The following GAD1 variants were observed in gnomAD, a reference collection of about 807,000 sequenced individuals.
GAD1 encodes the protein 67 kDa glutamic acid decarboxylase.
Under a neutral mutation model 75.2 loss-of-function variants are expected in GAD1, and 35 were observed. That is an observed-to-expected ratio of 0.47 (90% CI 0.36 to 0.62). The LOEUF (loss-of-function observed/expected upper bound fraction) is 0.62, where lower values mean the gene tolerates loss of function less well. Among genes scored for constraint, GAD1 ranks in the 20% least tolerant of loss-of-function variants. GAD1 has a pLI of 0.00. For missense variants in GAD1, 490 were observed against 758.5 expected (o/e 0.65, Z 4.16); for synonymous variants, 257 against 271.9 (o/e 0.95, Z 0.54).
In GAD1 at chr2:170,860,696, C is replaced by T. The variant is rs1421612473; in HGVS notation, c.*814C>T. The T allele has an allele frequency of 6.6e-5, 10 of 152,500 alleles. No homozygotes were observed. The highest frequency in any genetic ancestry group is 1.9e-4 in the African/African-American group (8 of 41,392). 9.4% of individuals were successfully genotyped at this position (152,500 alleles called of 1,614,324 possible). A position where few individuals can be genotyped will look rare whatever the true frequency, so the allele number is the denominator to read the frequency against. On this transcript the variant is annotated 3_prime_UTR_variant, in exon 17 of 17. Transcript: ENST00000358196. ...TTCTGAAAACTGTTTATGGTATTTT[C>T]GTGCATTTGTGAGCCAAAGAGAAAA...
rs1702211500 is a variant in GAD1 at position 170,831,176 on chromosome 2, G to T, written c.531G>T (p.Lys177Asn). Residue 177 changes from lysine to asparagine, a missense_variant, in exon 5 of 17, where the codon AAG becomes AAT. Coordinates refer to ENST00000358196, the MANE Select transcript of GAD1 (RefSeq NM_000817.3). Reference protein sequence around the residue: ...QILVDCRDTLKYGVRTGHPRF... With the variant: ...QILVDCRDTLNYGVRTGHPRF... ...TGGTTGACTGCAGAGACACCTTGAA[G>T]TATGGGGTTCGCACAGGTAAGGAGG... is the stretch of plus-strand genomic sequence containing the variant. 1 of 1,614,104 alleles carries T rather than the reference G, an allele frequency of 6.2e-7. No homozygotes were observed. Among genetic ancestry groups the T allele is most frequent in the African/African-American group, 1.3e-5 (1 of 74,932 alleles).
rs1176484342 is a variant in GAD1 at position 170,818,768 on chromosome 2, G to A, written c.82+95G>A. ...TGAGCTGGCGGAAAGGGAAGGGGGA[G>A]CGCGGAGATAATGGAGGCTGGGAAA... is the stretch of plus-strand genomic sequence containing the variant. On this transcript the variant is annotated intron_variant, in intron 2 of 16. Transcript: ENST00000358196. The surrounding 1 kb of genome is among the most constrained non-coding windows in gnomAD (Gnocchi z 5.9). 1 of 1,200,738 alleles carries A rather than the reference G, an allele frequency of 8.3e-7. No individual in the cohort carries two copies. The highest frequency in any genetic ancestry group is 1.2e-6 in the Non-Finnish European group (1 of 805,006). 74.4% of individuals were successfully genotyped at this position (1,200,738 alleles called of 1,614,324 possible).
intron 11 of GAD1, 114 bp from the exon 12 acceptor site, chr2:170,849,172 A>T: frequency 1.1e-6 from 1 of 894,286 alleles, no homozygotes; most frequent in South Asian, 1.4e-5. Flanking sequence ...TGAGAAACTT[A>T]TGTTTTTCAC....
chr2:170,840,605 A>AAGGAAGGGAGGGAGGG (rs980028972), intron 6 of GAD1, among the ~76,000 whole-genome samples: 1 of 133,660 alleles, frequency 7.5e-6, no homozygotes, highest in Non-Finnish European at 1.6e-5. Context: ...AGAACTCAGA[A>AAGGAAGGGAGGGAGGG]AGGAAGGGAG....
At chr2:170,825,180 G>A (rs1701994661) in intron 3 of GAD1, among the ~76,000 whole-genome samples, 1 of 152,076 alleles carries the variant, frequency 6.6e-6, no homozygotes, top group African/African-American at 2.4e-5. Flanking sequence ...GAGGCCAGGA[G>A]TTTGAGACTA....
Position 170,859,925 on chromosome 2 carries a change from T to C in GAD1, c.*43T>C. ...TGAGTTTATGGGAATGCCTTTTCCCTCTGGCACTCCAGAACAAACCTCTAT... is the reference window on the plus strand; with the variant it reads ...TGAGTTTATGGGAATGCCTTTTCCCCCTGGCACTCCAGAACAAACCTCTAT... On this transcript the variant is annotated 3_prime_UTR_variant, in exon 17 of 17. Transcript: ENST00000358196. The C allele has an allele frequency of 6.3e-7, 1 of 1,579,674 alleles. No individual in the cohort carries two copies. Among genetic ancestry groups the C allele is most frequent in the Non-Finnish European group, 8.7e-7 (1 of 1,151,838 alleles).
rs1271070745 is a variant in GAD1 at position 170,860,397 on chromosome 2, C to G, written c.*515C>G. 6.2e-6 allele frequency: 1 copy of G among 161,976 alleles called. No individual in the cohort carries two copies. The highest frequency in any genetic ancestry group is 1.4e-5 in the Non-Finnish European group (1 of 73,230). 10.0% of individuals were successfully genotyped at this position (161,976 alleles called of 1,614,324 possible). A position where few individuals can be genotyped will look rare whatever the true frequency, so the allele number is the denominator to read the frequency against. ...CACCAAATGACAAGTCACACCCTCC[C>G]CATTAGTATCCTGTTAGGGGAAAAT... On this transcript the variant is annotated 3_prime_UTR_variant, in exon 17 of 17. Transcript: ENST00000358196.
Position 170,846,171 on chromosome 2 carries a change from T to C in GAD1, c.1002+108T>C, listed in dbSNP as rs1575442231. 4 of 959,688 alleles carry C rather than the reference T, an allele frequency of 4.2e-6. No individual in the cohort carries two copies. The East Asian group carries it at 7.4e-5, about 18-fold the overall frequency. The allele number at this position is 959,688 out of a possible 1,614,324, so 59.4% of individuals were successfully genotyped here. On this transcript the variant is annotated intron_variant, in intron 10 of 16. Coordinates refer to ENST00000358196, the MANE Select transcript of GAD1 (RefSeq NM_000817.3). ...AGACAATTTTCTTGTGCTTCTAAAA[T>C]TCTATTCTTCAAATTTGCTTATTTC...
At chr2:170,815,448 C>T (rs1701678472), upstream of GAD1, among the ~76,000 whole-genome samples, 1 of 152,110 alleles carries the variant, frequency 6.6e-6, no homozygotes, top group Non-Finnish European at 1.5e-5. Context: ...CCATGTCTGC[C>T]CAGGGCGGAC....
At chr2:170,823,490 A>G (rs1701945306) in intron 3 of GAD1, among the ~76,000 whole-genome samples, 1 of 152,032 alleles carries the variant, frequency 6.6e-6, no homozygotes, top group South Asian at 2.1e-4. Context: ...AGACCCAGCC[A>G]TTTTCCACCG....
chr2:170,815,567 C>G (rs1202649504), upstream of GAD1, among the ~76,000 whole-genome samples: 1 of 152,138 alleles, frequency 6.6e-6, no homozygotes, highest in Non-Finnish European at 1.5e-5. Context: ...GGACGGGCCT[C>G]CGCTGAACCA....
chr2:170,851,967 C>T (rs986727603), intron 12 of GAD1, among the ~76,000 whole-genome samples: 3 of 152,166 alleles, frequency 2.0e-5, no homozygotes, highest in African/African-American at 4.8e-5. Flanking sequence ...ACTCTTGATA[C>T]TGCCCCATAA....
At chr2:170,831,253 A>G in intron 5 of GAD1, 61 bp downstream of exon 5, 1 of 1,571,780 alleles carries the variant, frequency 6.4e-7, no homozygotes, top group East Asian at 2.2e-5. Context: ...CACCCTTGCC[A>G]GTTGTGAGGA....
In GAD1 at chr2:170,818,335, G is replaced by C. The variant is rs1281034422; in HGVS notation, c.-63-194G>C. 2 of 417,802 alleles carry C rather than the reference G, an allele frequency of 4.8e-6. No individual in the cohort carries two copies. Among genetic ancestry groups the C allele is most frequent in the Non-Finnish European group, 9.0e-6 (2 of 222,632 alleles). The allele number at this position is 417,802 out of a possible 1,614,324, so 25.9% of individuals were successfully genotyped here. A position where few individuals can be genotyped will look rare whatever the true frequency, so the allele number is the denominator to read the frequency against. On this transcript the variant is annotated intron_variant, in intron 1 of 16. Transcript: ENST00000358196. The surrounding 1 kb of genome is among the most constrained non-coding windows in gnomAD (Gnocchi z 5.9). ...GCTACGCTCCCTGCGCCCCAGTACC[G>C]GAGCTAGCGCGCACGTCTCCTCCGC...
chr2:170,842,907 T>C, intron 6 of GAD1: 1 of 556,660 alleles, frequency 1.8e-6, no homozygotes, highest in Non-Finnish European at 3.0e-6. Flanking sequence ...AGCTTTGCCT[T>C]ACATTAAGCA....
In GAD1 at chr2:170,859,755, T is replaced by C; in HGVS notation, c.1658T>C (p.Met553Thr). 2 of 1,614,232 alleles carry C rather than the reference T, an allele frequency of 1.2e-6. No homozygotes were observed. Among genetic ancestry groups the C allele is most frequent in the Non-Finnish European group, 1.7e-6 (2 of 1,180,044 alleles). The change falls in exon 17 of 17, where the codon ATG (methionine) becomes ACG (threonine). Residue 553 changes from methionine to threonine, a missense_variant. By Grantham distance (81) the Met-to-Thr change is moderately conservative. Coordinates refer to ENST00000358196, the MANE Select transcript of GAD1 (RefSeq NM_000817.3). ...KALMMESGTT[M>T]VGYQPQGDKA... ...CTGATGATGGAGTCAGGTACGACCA[T>C]GGTTGGCTACCAGCCCCAAGGGGAC...
chr2:170,848,406 G>A (rs1330452432), intron 11 of GAD1, among the ~76,000 whole-genome samples: 1 of 150,988 alleles, frequency 6.6e-6, no homozygotes, highest in Non-Finnish European at 1.5e-5. Flanking sequence ...GCTGAGACAG[G>A]AGAATCACTT....
Position 170,822,048 on chromosome 2 carries a change from C to T in GAD1, c.83-39C>T, listed in dbSNP as rs199710477. The T allele has an allele frequency of 8.9e-6, 14 of 1,566,354 alleles. No homozygotes were observed. In the African/African-American group the frequency reaches 1.5e-4, roughly 17 times the overall value. ...TCCACCCATTTCCCCGCGGTCGGAA[C>T]CTCCCTAACCGAACCTCTCTCCCTC... On this transcript the variant is annotated intron_variant, in intron 2 of 16. Coordinates refer to ENST00000358196, the MANE Select transcript of GAD1 (RefSeq NM_000817.3).
rs550754076 is a variant in GAD1 at position 170,859,025 on chromosome 2, G to C, written c.1611+132G>C. The C allele has an allele frequency of 6.4e-5, 51 of 798,480 alleles. 1 individual carries two copies. The South Asian group carries it at 6.9e-4, about 11-fold the overall frequency. The allele number at this position is 798,480 out of a possible 1,614,324, so 49.5% of individuals were successfully genotyped here. A position where few individuals can be genotyped will look rare whatever the true frequency, so the allele number is the denominator to read the frequency against. On this transcript the variant is annotated intron_variant, in intron 16 of 16. Coordinates refer to ENST00000358196, the MANE Select transcript of GAD1 (RefSeq NM_000817.3). ...GCCTTGGGGTGGGTTTCTAGTAATG[G>C]GGTGGTGGGGAGCCATCCTGTTATA...
Sources: allele counts gnomAD v4.1 joint callset (sites outside exome capture counted in the v4.1 genomes callset), GRCh38; gene constraint gnomAD v4.1.1; non-coding constraint Gnocchi (gnomAD v3.1); transcripts MANE v1.5; gene names NCBI Gene and HGNC (gene_info 2026-07-23, HGNC 2026-07-21).